RGS7: variants seen among roughly 807,000 people sequenced by gnomAD.
The protein encoded by RGS7 is regulator of G-protein signaling 7.
RGS7 carries 27 observed loss-of-function variants against 81.1 expected under a neutral mutation model. The ratio of observed to expected loss-of-function variants is 0.33; its 90% CI spans 0.25 to 0.46. The LOEUF is 0.46. RGS7 is among the 20% of genes least tolerant of loss of function. The pLI is 1.00. For synonymous variants in RGS7, 208 were observed against 207.7 expected (o/e 1.00, Z -0.01); for missense variants, 396 against 607.4 (o/e 0.65, Z 3.66).
chr1:241,087,974 CTCTATA>C lies in RGS7; in HGVS notation c.175+10686_175+10691del, dbSNP rs1230163258. ...TCTCTCTCTCTCTCTCTCTCTCTCT[CTCTATA>C]TATATATATATATATACACACACAC... is the stretch of plus-strand genomic sequence containing the variant. On this transcript the variant is annotated intron_variant, in intron 3 of 18. Coordinates refer to ENST00000440928, the MANE Select transcript of RGS7 (RefSeq NM_001364886.1). 3.6e-4 allele frequency among the ~76,000 whole-genome samples: 42 copies of C among 116,004 alleles called. 1 individual carries two copies. Among genetic ancestry groups the C allele is most frequent in the African/African-American group, 1.1e-3 (33 of 28,868 alleles). The allele number at this position is 116,004 out of a possible 152,430, so 76.1% of individuals were successfully genotyped here. A position where few individuals can be genotyped will look rare whatever the true frequency, so the allele number is the denominator to read the frequency against.
chr1:240,790,546 C>T (rs934876534), intron 18 of RGS7, among the ~76,000 whole-genome samples: 1 of 152,140 alleles, frequency 6.6e-6, no homozygotes, highest in Admixed American at 6.5e-5. Flanking sequence ...CACTAGTTGT[C>T]ATCTAGAGGA....
At chr1:241,171,125 A>G (rs970648976) in intron 2 of RGS7, among the ~76,000 whole-genome samples, 30 of 152,240 alleles carry the variant, frequency 2.0e-4, no homozygotes, top group African/African-American at 7.2e-4. Context: ...TGTTCTATTT[A>G]AAACGGAAAG....
chr1:241,283,418 T>A (rs1463069690), intron 2 of RGS7, among the ~76,000 whole-genome samples: 1 of 152,198 alleles, frequency 6.6e-6, no homozygotes, highest in Non-Finnish European at 1.5e-5. Context: ...CTGGATATAG[T>A]GTTCTGAGTT....
At chr1:241,310,575 T>C (rs2080471286) in intron 2 of RGS7, among the ~76,000 whole-genome samples, 2 of 151,154 alleles carry the variant, frequency 1.3e-5, no homozygotes, top group South Asian at 4.2e-4. Context: ...TTTTAAACAA[T>C]GTACTGCCCA....
At chr1:241,302,186 T>C (rs931891010) in intron 2 of RGS7, among the ~76,000 whole-genome samples, 1 of 152,304 alleles carries the variant, frequency 6.6e-6, no homozygotes, top group Admixed American at 6.5e-5. Context: ...GCCTAGCACA[T>C]TGCAGGAACA....
intron 2 of RGS7, among the ~76,000 whole-genome samples, chr1:241,312,999 C>A (rs1385637678): frequency 1.3e-5 from 2 of 152,176 alleles, no homozygotes; most frequent in Admixed American, 1.3e-4. Flanking sequence ...AAACCCGCCA[C>A]AACATTCTCA....
At chr1:241,281,604 G>T (rs2078517020) in intron 2 of RGS7, among the ~76,000 whole-genome samples, 1 of 152,214 alleles carries the variant, frequency 6.6e-6, no homozygotes, top group East Asian at 1.9e-4. Flanking sequence ...GAGGCCTGCA[G>T]CTGCAGTTGC....
intron 6 of RGS7, among the ~76,000 whole-genome samples, chr1:240,911,492 C>T (rs181794861): frequency 1.6e-4 from 25 of 152,296 alleles, no homozygotes; most frequent in Admixed American, 1.4e-3. Context: ...ATGATCTCAT[C>T]CACGACCATG....
chr1:241,351,901 G>A (rs1295522481), intron 2 of RGS7, among the ~76,000 whole-genome samples: 5 of 152,134 alleles, frequency 3.3e-5, no homozygotes, highest in Non-Finnish European at 7.4e-5. Context: ...GAAATTATTG[G>A]GCATTTTGAG....
rs865998619 is a variant in RGS7 at position 240,944,316 on chromosome 1, A to G, written c.227-7610T>C. 4.4e-3 allele frequency among the ~76,000 whole-genome samples: 547 copies of G among 125,258 alleles called. 13 individuals are homozygous for G. The highest frequency in any genetic ancestry group is 0.012 in the African/African-American group (396 of 33,278). The allele number at this position is 125,258 out of a possible 152,430, so 82.2% of individuals were successfully genotyped here. A position where few individuals can be genotyped will look rare whatever the true frequency, so the allele number is the denominator to read the frequency against. On this transcript the variant is annotated intron_variant, in intron 4 of 18. Transcript: ENST00000440928. ...TATATATATATATATATATATATAT[A>G]TATATATATATATATATGTTAGGTG...
At chr1:240,952,635 A>G (rs182712124) in intron 4 of RGS7, among the ~76,000 whole-genome samples, 14 of 152,134 alleles carry the variant, frequency 9.2e-5, no homozygotes, top group African/African-American at 3.1e-4. Context: ...GTTTTGTCCA[A>G]ATGCATTGCA....
chr1:240,812,876 A>C (rs1472216343), intron 13 of RGS7, among the ~76,000 whole-genome samples: 1 of 152,206 alleles, frequency 6.6e-6, no homozygotes, highest in Non-Finnish European at 1.5e-5. Context: ...CTGAGTCACA[A>C]CATTTTGGGG....
intron 3 of RGS7, among the ~76,000 whole-genome samples, chr1:241,004,566 C>A (rs553161680): frequency 7.4e-4 from 112 of 152,242 alleles, no homozygotes; most frequent in African/African-American, 2.6e-3. Flanking sequence ...TATATGGAAG[C>A]CTTCTGGATG....
chr1:241,052,456 C>T (rs936093647), intron 3 of RGS7, among the ~76,000 whole-genome samples: 2 of 152,106 alleles, frequency 1.3e-5, no homozygotes, highest in African/African-American at 4.8e-5. Flanking sequence ...TATGGGAAGG[C>T]ACGGCCCATG....
At chr1:240,792,010 G>T (rs1223753618) in intron 18 of RGS7, among the ~76,000 whole-genome samples, 2 of 152,122 alleles carry the variant, frequency 1.3e-5, no homozygotes, top group African/African-American at 4.8e-5. Flanking sequence ...ACATTACATA[G>T]AAGATATAAG....
chr1:240,981,762 T>A (rs986232387), intron 4 of RGS7, among the ~76,000 whole-genome samples: 3 of 152,136 alleles, frequency 2.0e-5, no homozygotes, highest in Admixed American at 2.0e-4. Flanking sequence ...GAGCTGGGGG[T>A]GTACACAGGC....
intron 6 of RGS7, among the ~76,000 whole-genome samples, chr1:240,889,643 G>A (rs975821067): frequency 2.6e-5 from 4 of 152,168 alleles, no homozygotes; most frequent in Non-Finnish European, 1.5e-5. Context: ...TAATAATCGT[G>A]GTAATGATAC....
At chr1:240,793,611 A>ATATATATATTTTTTTTTTTTTTTT in intron 18 of RGS7, among the ~76,000 whole-genome samples, 1 of 78,872 alleles carries the variant, frequency 1.3e-5, no homozygotes, top group African/African-American at 9.7e-5. Context: ...ATATATATAT[A>ATATATATATTTTTTTTTTTTTTTT]TTTTTTTTTT....
intron 2 of RGS7, among the ~76,000 whole-genome samples, chr1:241,226,398 G>A (rs1192004694): frequency 6.6e-6 from 1 of 152,050 alleles, no homozygotes; most frequent in East Asian, 1.9e-4. Flanking sequence ...AATCTCAAAG[G>A]GTCTGGTAGT....
Sources: allele counts gnomAD v4.1 joint callset (sites outside exome capture counted in the v4.1 genomes callset), GRCh38; gene constraint gnomAD v4.1.1; transcripts MANE v1.5; gene names NCBI Gene and HGNC (gene_info 2026-07-23, HGNC 2026-07-21).